Variants in SEMA3A observed in about 807,000 individuals in gnomAD.
The protein encoded by SEMA3A is semaphorin-3A.
Under a neutral mutation model 97.9 loss-of-function variants are expected in SEMA3A, and 29 were observed. That is an observed-to-expected ratio of 0.30 (90% CI 0.22 to 0.40). SEMA3A has a LOEUF of 0.40. Ranked by LOEUF, SEMA3A falls within the 10% of genes least tolerant of loss-of-function variation. The pLI, the probability that SEMA3A is intolerant of heterozygous loss-of-function variation, is 1.00. For missense variants in SEMA3A, 763 were observed against 951.3 expected, an observed-to-expected ratio of 0.80 and a Z score of 2.60; for synonymous variants, 321 against 323.7, an observed-to-expected ratio of 0.99 and a Z score of 0.09.
At chr7:84,151,828 C>T (rs983562184) in intron 1 of SEMA3A, among the ~76,000 whole-genome samples, 97 of 152,078 alleles carry the variant, frequency 6.4e-4, no homozygotes, top group African/African-American at 2.2e-3. Flanking sequence ...GAATGTACAA[C>T]GAACTCAAAC....
chr7:84,265,772 A>G (rs1799981187), intron 3 of SEMA3A, among the ~76,000 whole-genome samples: 1 of 151,600 alleles, frequency 6.6e-6, no homozygotes, highest in African/African-American at 2.4e-5. Context: ...CACCTCTCCC[A>G]CTGTCCCCCA....
At chr7:84,166,680 C>T (rs1414380534) in intron 1 of SEMA3A, among the ~76,000 whole-genome samples, 7 of 151,312 alleles carry the variant, frequency 4.6e-5, no homozygotes, top group East Asian at 2.0e-4. Context: ...AGATCAGCCT[C>T]GCCAAGATGG....
chr7:84,436,148 ACCC>A (rs1364584821), intron 1 of SEMA3A, among the ~76,000 whole-genome samples: 318 of 152,250 alleles, frequency 2.1e-3, no homozygotes, highest in Middle Eastern at 3.4e-3. Context: ...TTGAAACTGG[ACCC>A]CTACTTTTTA....
At chr7:84,394,526 G>C (rs1257049960) in intron 1 of SEMA3A, among the ~76,000 whole-genome samples, 1 of 152,074 alleles carries the variant, frequency 6.6e-6, no homozygotes, top group Non-Finnish European at 1.5e-5. Context: ...GAAGATGGAG[G>C]CTCATTTCAT....
chr7:84,080,247 A>G (rs1794106881), intron 4 of SEMA3A, among the ~76,000 whole-genome samples: 1 of 148,572 alleles, frequency 6.7e-6, no homozygotes, highest in African/African-American at 2.5e-5. Context: ...GATATCCCTA[A>G]TGCTGAATGA....
At chr7:84,357,124 TTA>T (rs956045288) in intron 2 of SEMA3A, among the ~76,000 whole-genome samples, 1 of 150,530 alleles carries the variant, frequency 6.6e-6, no homozygotes, top group South Asian at 2.1e-4. Flanking sequence ...ATTTTTTCTT[TTA>T]TATATATATA....
chr7:84,162,427 G>A (rs1797063380), intron 1 of SEMA3A, among the ~76,000 whole-genome samples: 1 of 151,966 alleles, frequency 6.6e-6, no homozygotes, highest in Non-Finnish European at 1.5e-5. Context: ...TAAATTTCAG[G>A]AATTGGACCT....
rs146831006 is a variant in SEMA3A at position 84,149,163 on chromosome 7, T to C, written c.113-14212A>G. ...CCTATATCCAGCTCTCCCCAAGTAATTATTTAGCAAAAACTATCTGAAAGT... is the reference window on the plus strand; with the variant it reads ...CCTATATCCAGCTCTCCCCAAGTAACTATTTAGCAAAAACTATCTGAAAGT... On this transcript the variant is annotated intron_variant, in intron 1 of 16. Coordinates refer to ENST00000265362, the MANE Select transcript of SEMA3A (RefSeq NM_006080.3). Among the ~76,000 whole-genome samples, 232 of 152,304 alleles carry C rather than the reference T, an allele frequency of 1.5e-3. 2 individuals carry two copies. The East Asian group carries it at 0.016, about 10-fold the overall frequency.
At chr7:84,342,098 C>T (rs992862000) in intron 2 of SEMA3A, among the ~76,000 whole-genome samples, 4 of 151,956 alleles carry the variant, frequency 2.6e-5, no homozygotes, top group East Asian at 3.9e-4. Flanking sequence ...TGCAATGGCA[C>T]GATCTTGGCT....
At chr7:84,161,780 G>C (rs576416050) in intron 1 of SEMA3A, among the ~76,000 whole-genome samples, 22 of 152,264 alleles carry the variant, frequency 1.4e-4, no homozygotes, top group African/African-American at 5.1e-4. Context: ...GCAAATATAT[G>C]CTCAAAATGT....
intron 3 of SEMA3A, among the ~76,000 whole-genome samples, chr7:84,210,988 A>T (rs1798610969): frequency 6.6e-6 from 1 of 152,164 alleles, no homozygotes. Flanking sequence ...ATATATCTGG[A>T]ACAGAACAAA....
intron 4 of SEMA3A, among the ~76,000 whole-genome samples, chr7:84,088,710 C>T (rs1465850052): frequency 6.6e-6 from 1 of 151,952 alleles, no homozygotes; most frequent in Non-Finnish European, 1.5e-5. Flanking sequence ...ATATGAAATG[C>T]ATGATTCTAT....
At chr7:84,186,583 G>T (rs1797894114) in intron 1 of SEMA3A, among the ~76,000 whole-genome samples, 1 of 152,048 alleles carries the variant, frequency 6.6e-6, no homozygotes, top group Non-Finnish European at 1.5e-5. Flanking sequence ...AAACAACTTT[G>T]TTTTAGCTAT....
intron 4 of SEMA3A, among the ~76,000 whole-genome samples, chr7:84,098,276 A>T (rs1285785062): frequency 6.6e-6 from 1 of 152,008 alleles, no homozygotes; most frequent in African/African-American, 2.4e-5. Flanking sequence ...TTTTATTTTT[A>T]TTTTAAGTAA....
At chr7:84,331,599 G>A (rs551162740) in intron 2 of SEMA3A, among the ~76,000 whole-genome samples, 4 of 151,972 alleles carry the variant, frequency 2.6e-5, no homozygotes, top group South Asian at 4.1e-4. Context: ...TGATGTCATT[G>A]TGTATATACA....
chr7:84,055,811 T>C (rs533215981), intron 5 of SEMA3A, among the ~76,000 whole-genome samples: 4 of 152,328 alleles, frequency 2.6e-5, no homozygotes, highest in African/African-American at 9.6e-5. Flanking sequence ...AAATCTGAAG[T>C]AGTGTATTAG....
rs112532165 is a variant in SEMA3A, at chr7:84,310,177, T to C, written c.-168-2885A>G. Among the ~76,000 whole-genome samples the C allele has an allele frequency of 3.3e-5, 5 of 152,216 alleles. 1 individual carries two copies. Among genetic ancestry groups the C allele is most frequent in the African/African-American group, 1.2e-4 (5 of 41,564 alleles). On this transcript the variant is annotated intron_variant, in intron 2 of 3. Coordinates refer to the SEMA3A transcript ENST00000424555. ...ATGCTGGTTGAAAATATCACTCTAA[T>C]GCACAGAATATTGTTGAATTCAGTA...
chr7:84,131,370 C>A (rs143638107), intron 2 of SEMA3A, among the ~76,000 whole-genome samples: 63 of 152,160 alleles, frequency 4.1e-4, no homozygotes, highest in African/African-American at 1.3e-3. Flanking sequence ...ATCTAAATTT[C>A]TTATTCTCAT....
chr7:84,473,372 G>GTAT (rs1296071315), intron 1 of SEMA3A, among the ~76,000 whole-genome samples: 57 of 148,220 alleles, frequency 3.8e-4, no homozygotes, highest in African/African-American at 1.1e-3. Context: ...TTATATTTTT[G>GTAT]TATTATTATT....
Sources: allele counts gnomAD v4.1 joint callset (sites outside exome capture counted in the v4.1 genomes callset), GRCh38; gene constraint gnomAD v4.1.1; transcripts MANE v1.5; gene names NCBI Gene and HGNC (gene_info 2026-07-23, HGNC 2026-07-21).